Variants in GRM1 observed in about 807,000 individuals in gnomAD.
GRM1 encodes glutamate metabotropic receptor 1, also known as metabotropic glutamate receptor 1.
Under a neutral mutation model 90.9 loss-of-function variants are expected in GRM1, and 33 were observed. The observed-to-expected ratio is 0.36, with a 90% CI of 0.28 to 0.49. The LOEUF (loss-of-function observed/expected upper bound fraction) is 0.49. Among genes scored for constraint, GRM1 ranks in the 20% least tolerant of loss-of-function variants. The pLI is 0.99. For missense variants in GRM1, 1,190 were observed against 1,534.3 expected (o/e 0.78, Z 3.75); for synonymous variants, 700 against 613.2 (o/e 1.14, Z -2.09).
intron 3 of GRM1, 97 bp from the exon 4 acceptor site, chr6:146,352,153 C>T (rs1334995025): frequency 3.9e-6 from 5 of 1,280,454 alleles, no homozygotes; most frequent in African/African-American, 1.5e-5. Context: ...TGCTCATTCC[C>T]TTCCTCTGAG....
chr6:146,394,143 C>T (rs1776842351), intron 6 of GRM1, among the ~76,000 whole-genome samples: 1 of 152,136 alleles, frequency 6.6e-6, no homozygotes, highest in Non-Finnish European at 1.5e-5. Context: ...AAATGTAAGA[C>T]CTAAATCCGT....
At chr6:146,320,656 G>A (rs1025458622) in intron 3 of GRM1, among the ~76,000 whole-genome samples, 2 of 151,686 alleles carry the variant, frequency 1.3e-5, no homozygotes, top group African/African-American at 4.8e-5. Flanking sequence ...ACTTGTTATT[G>A]TTCTATTCAG....
rs1290693376 is a variant in GRM1, at chr6:146,352,270, A to G, written c.1207A>G (p.Asn403Asp). The change falls in exon 4 of 8, where the codon AAC becomes GAC. Residue 403 changes from asparagine (N) to aspartate (D), a missense_variant. Physicochemically the swap from Asn to Asp is conservative, Grantham distance 23. Coordinates refer to ENST00000282753, the MANE Select transcript of GRM1 (RefSeq NM_001278064.2). Reference sequence around the variant, plus strand: ...TACAGGCAATGAAAGCTTAGAAGAAAACTATGTCCAGGACAGTAAGATGGG... The same window carrying G: ...TACAGGCAATGAAAGCTTAGAAGAAGACTATGTCCAGGACAGTAAGATGGG... ...ICTGNESLEE[N>D]YVQDSKMGFV... 1 of 1,613,894 alleles carries G rather than the reference A, an allele frequency of 6.2e-7. No individual in the cohort carries two copies. Among genetic ancestry groups the G allele is most frequent in the East Asian group, 2.2e-5 (1 of 44,878 alleles).
intron 2 of GRM1, among the ~76,000 whole-genome samples, chr6:146,283,263 T>A (rs1782640115): frequency 6.6e-6 from 1 of 152,204 alleles, no homozygotes; most frequent in African/African-American, 2.4e-5. Flanking sequence ...CCAATTTTTG[T>A]GGTGGTTTGT....
At chr6:146,146,594 A>G (rs946988404) in intron 1 of GRM1, among the ~76,000 whole-genome samples, 15 of 152,134 alleles carry the variant, frequency 9.9e-5, no homozygotes, top group Admixed American at 3.3e-4. Context: ...CTATGTTGAA[A>G]CTTAATCCCC....
rs552817742 is a variant in GRM1, at chr6:146,073,001, G to A, written c.700+42784G>A. Among the ~76,000 whole-genome samples the A allele has an allele frequency of 1.2e-3, 185 of 152,204 alleles. 1 individual carries two copies. Among genetic ancestry groups the A allele is most frequent in the Non-Finnish European group, 2.0e-3 (134 of 68,006 alleles). ...GCCACCTGAATATGTATACTCAGAT[G>A]CTTACACTCTTAGGTAACGCTCCTC... On this transcript the variant is annotated intron_variant, in intron 1 of 7. Coordinates refer to ENST00000282753, the MANE Select transcript of GRM1 (RefSeq NM_001278064.2).
intron 1 of GRM1, among the ~76,000 whole-genome samples, chr6:146,111,501 A>G (rs1357099156): frequency 6.6e-6 from 1 of 152,266 alleles, no homozygotes; most frequent in Non-Finnish European, 1.5e-5. Context: ...AGTTGATAAC[A>G]TAGTCACAGC....
chr6:146,398,079 C>G (rs1777030701), intron 6 of GRM1, among the ~76,000 whole-genome samples: 1 of 152,138 alleles, frequency 6.6e-6, no homozygotes, highest in Admixed American at 6.5e-5. Context: ...GGAACAAATT[C>G]TAGTCTTTCC....
At chr6:146,042,254 A>T (rs1433957106) in intron 1 of GRM1, among the ~76,000 whole-genome samples, 2 of 152,018 alleles carry the variant, frequency 1.3e-5, no homozygotes, top group Non-Finnish European at 2.9e-5. Flanking sequence ...GTAGTGTGTC[A>T]GTTTATAAAT....
chr6:146,325,493 G>T (rs1784371457), intron 3 of GRM1, among the ~76,000 whole-genome samples: 2 of 152,166 alleles, frequency 1.3e-5, no homozygotes, highest in South Asian at 4.1e-4. Flanking sequence ...TCATCCATTT[G>T]AAATGGATTT....
At chr6:146,340,763 C>A (rs981625854) in intron 3 of GRM1, among the ~76,000 whole-genome samples, 1 of 152,142 alleles carries the variant, frequency 6.6e-6, no homozygotes, top group African/African-American at 2.4e-5. Context: ...CCAGGCTGGT[C>A]TTGAACTCCT....
At chr6:146,240,240 C>T (rs1344985260) in intron 2 of GRM1, among the ~76,000 whole-genome samples, 3 of 151,932 alleles carry the variant, frequency 2.0e-5, no homozygotes, top group Non-Finnish European at 4.4e-5. Context: ...GACGTTTTGA[C>T]TGGAAAGGAG....
rs183792159 is a variant in GRM1 at position 146,251,798 on chromosome 6, G to A, written c.951-52813G>A. ...TCATGCCCAGATCCTCTGTGACCTC[G>A]TCTCCACTGATGGCATCTTTCAACC... On this transcript the variant is annotated intron_variant, in intron 2 of 7. Coordinates refer to ENST00000282753, the MANE Select transcript of GRM1 (RefSeq NM_001278064.2). 4.7e-3 allele frequency among the ~76,000 whole-genome samples: 720 copies of A among 152,266 alleles called. 5 individuals carry two copies. The highest frequency in any genetic ancestry group is 9.0e-3 in the Non-Finnish European group (609 of 68,018).
At chr6:146,041,038 T>C (rs1791081814) in intron 1 of GRM1, among the ~76,000 whole-genome samples, 1 of 152,026 alleles carries the variant, frequency 6.6e-6, no homozygotes, top group South Asian at 2.1e-4. Context: ...TTTAACCCTC[T>C]GATGCATTTT....
At chr6:146,388,319 A>G (rs911303069) in intron 6 of GRM1, among the ~76,000 whole-genome samples, 3 of 152,010 alleles carry the variant, frequency 2.0e-5, no homozygotes, top group Non-Finnish European at 4.4e-5. Flanking sequence ...CCCTGACTCC[A>G]TGTCTTTTTG....
chr6:146,064,066 C>A (rs1372059292), intron 1 of GRM1, among the ~76,000 whole-genome samples: 1 of 151,990 alleles, frequency 6.6e-6, no homozygotes, highest in African/African-American at 2.4e-5. Context: ...GAAAATATAC[C>A]AATTGCCTAA....
At chr6:146,205,643 A>T (rs577852591) in intron 2 of GRM1, among the ~76,000 whole-genome samples, 2 of 152,352 alleles carry the variant, frequency 1.3e-5, no homozygotes, top group Admixed American at 1.3e-4. Flanking sequence ...AATCAGATTT[A>T]AAAACTCAAT....
At chr6:146,160,108 A>G (rs1777669813) in intron 2 of GRM1, among the ~76,000 whole-genome samples, 1 of 152,130 alleles carries the variant, frequency 6.6e-6, no homozygotes, top group African/African-American at 2.4e-5. Context: ...TACCTCCTAA[A>G]CATGAACATC....
At chr6:146,379,825 A>T (rs974233085) in intron 5 of GRM1, among the ~76,000 whole-genome samples, 1 of 152,102 alleles carries the variant, frequency 6.6e-6, no homozygotes, top group Non-Finnish European at 1.5e-5. Context: ...TTGCAGACTC[A>T]TAGAGGTACC....
Sources: gnomAD v4.1 joint callset for allele counts (sites outside exome capture counted in the v4.1 genomes callset) on GRCh38, gnomAD v4.1.1 for gene constraint, MANE v1.5 for transcripts, NCBI Gene and HGNC (gene_info 2026-07-23, HGNC 2026-07-21) for gene names.